RALYL: variants seen among roughly 807,000 people sequenced by gnomAD.
RALYL encodes RALY RNA binding protein like.
Under a neutral mutation model 35.1 loss-of-function variants are expected in RALYL, and 29 were observed. That is an observed-to-expected ratio of 0.83 (90% CI 0.61 to 1.13). The LOEUF (loss-of-function observed/expected upper bound fraction) is 1.13. Ranked by LOEUF, RALYL falls within the 50% of genes most tolerant of loss-of-function variation. The pLI, the probability that RALYL is intolerant of heterozygous loss-of-function variation, is 0.00. For synonymous variants in RALYL, 120 were observed against 127.6 expected, an observed-to-expected ratio of 0.94 and a Z score of 0.40; for missense variants, 359 against 360.4, an observed-to-expected ratio of 1.00 and a Z score of 0.03.
intron 1 of RALYL, among the ~76,000 whole-genome samples, chr8:84,489,272 T>A (rs149359188): frequency 2.5e-3 from 387 of 152,214 alleles, no homozygotes; most frequent in Non-Finnish European, 4.7e-3. Context: ...TCTATTCCTT[T>A]TAGCATGGCT....
rs76885544 is a variant in RALYL at position 84,372,886 on chromosome 8, G to GTTTTTTTTTTTTTTTTTTTTT, written c.-23-156404_-23-156384dup. Among the ~76,000 whole-genome samples the GTTTTTTTTTTTTTTTTTTTTT allele has an allele frequency of 1.0e-3, 40 of 39,074 alleles. 10 individuals are homozygous for GTTTTTTTTTTTTTTTTTTTTT. The highest frequency in any genetic ancestry group is 1.9e-3 in the African/African-American group (17 of 9,124). 25.6% of individuals were successfully genotyped at this position (39,074 alleles called of 152,430 possible). On this transcript the variant is annotated intron_variant, in intron 1 of 8. Coordinates refer to ENST00000521268, the MANE Select transcript of RALYL (RefSeq NM_173848.7). ...TTTCTCCACAACCATGCCAGCATCT[G>GTTTTTTTTTTTTTTTTTTTTT]TTTTTTTTTTTTTTTTTTTTTTTTT... is the stretch of plus-strand genomic sequence containing the variant.
In RALYL at chr8:84,766,679, G is replaced by A. The variant is rs867047618; in HGVS notation, c.257-7900G>A. On this transcript the variant is annotated intron_variant, in intron 2 of 8. Transcript: ENST00000521268. ...GCAGAGGTTGCAGTGAGCTGAGATC[G>A]CGCCACTGCACTCCAGCCTGGCGAC... Among the ~76,000 whole-genome samples, 11 of 134,490 alleles carry A rather than the reference G, an allele frequency of 8.2e-5. No individual in the cohort carries two copies. The South Asian group carries it at 1.7e-3, about 21-fold the overall frequency. The allele number at this position is 134,490 out of a possible 152,430, so 88.2% of individuals were successfully genotyped here. A position where few individuals can be genotyped will look rare whatever the true frequency, so the allele number is the denominator to read the frequency against.
rs1585946783 is a variant in RALYL at position 84,286,491 on chromosome 8, G to T, written c.-24+102067G>T. Among the ~76,000 whole-genome samples, 3 of 152,316 alleles carry T rather than the reference G, an allele frequency of 2.0e-5. 1 individual carries two copies. The South Asian group carries it at 6.2e-4, about 32-fold the overall frequency. ...CAGCAAAGCTAAACATTCACATGAG[G>T]ATTGCAGCAAGAGAAAGTGTGACAT... On this transcript the variant is annotated intron_variant, in intron 1 of 8. Coordinates refer to ENST00000521268, the MANE Select transcript of RALYL (RefSeq NM_173848.7).
chr8:84,866,299 G>A lies in RALYL; in HGVS notation c.571+3846G>A, dbSNP rs922272900. Among the ~76,000 whole-genome samples the A allele has an allele frequency of 6.6e-5, 10 of 152,092 alleles. No individual in the cohort carries two copies. The East Asian group carries it at 9.6e-4, about 15-fold the overall frequency. Reference sequence around the variant, plus strand: ...GTCTGTTCCATAGTATACTACCATCGTGGCCTTGGGGAAATCCTTTAACCC... The same window carrying A: ...GTCTGTTCCATAGTATACTACCATCATGGCCTTGGGGAAATCCTTTAACCC... On this transcript the variant is annotated intron_variant, in intron 6 of 8. Transcript: ENST00000521268.
chr8:84,426,657 C>T (rs1204514057), intron 1 of RALYL, among the ~76,000 whole-genome samples: 2 of 152,060 alleles, frequency 1.3e-5, no homozygotes, highest in African/African-American at 2.4e-5. Flanking sequence ...GGGCAAAAGA[C>T]CTGACTAGAC....
chr8:84,900,584 C>A (rs566573789), intron 8 of RALYL, among the ~76,000 whole-genome samples: 1 of 151,746 alleles, frequency 6.6e-6, no homozygotes, highest in East Asian at 1.9e-4. Context: ...GAGGTTGAGG[C>A]AGGAGAATGG....
At chr8:84,683,790 G>T (rs1245102987) in intron 2 of RALYL, among the ~76,000 whole-genome samples, 2 of 152,112 alleles carry the variant, frequency 1.3e-5, no homozygotes, top group Admixed American at 6.6e-5. Flanking sequence ...GATTTCAAGC[G>T]ATTCTCCTGC....
chr8:84,857,003 C>T (rs1048861459), intron 5 of RALYL, among the ~76,000 whole-genome samples: 4 of 131,774 alleles, frequency 3.0e-5, no homozygotes, highest in African/African-American at 1.1e-4. Context: ...AGTCCGCAGT[C>T]CGGCCTGGGC....
At chr8:84,463,486 A>G (rs2051073472) in intron 1 of RALYL, among the ~76,000 whole-genome samples, 1 of 152,082 alleles carries the variant, frequency 6.6e-6, no homozygotes. Flanking sequence ...AATTTTAATT[A>G]ATTTTAATTT....
chr8:84,805,993 A>G (rs1440557529), intron 4 of RALYL, among the ~76,000 whole-genome samples: 5 of 152,164 alleles, frequency 3.3e-5, no homozygotes, highest in African/African-American at 7.2e-5. Context: ...GACCAGAAAC[A>G]TGGAATGGGG....
intron 1 of RALYL, among the ~76,000 whole-genome samples, chr8:84,375,135 T>TG: frequency 6.6e-6 from 1 of 152,036 alleles, no homozygotes; most frequent in African/African-American, 2.4e-5. Flanking sequence ...GCAGAGTAAA[T>TG]GGGGCAGCCA....
chr8:84,340,461 T>C (rs1848602933), intron 1 of RALYL, among the ~76,000 whole-genome samples: 1 of 152,090 alleles, frequency 6.6e-6, no homozygotes, highest in Non-Finnish European at 1.5e-5. Context: ...TAACCCTTGG[T>C]AACCACTATT....
intron 1 of RALYL, among the ~76,000 whole-genome samples, chr8:84,362,095 T>C (rs568565093): frequency 2.0e-5 from 3 of 152,158 alleles, no homozygotes; most frequent in Admixed American, 1.3e-4. Context: ...GACTTTTCAG[T>C]GGGTAGTGGA....
At chr8:84,373,049 G>T (rs4577957) in intron 1 of RALYL, among the ~76,000 whole-genome samples, 1 of 150,774 alleles carries the variant, frequency 6.6e-6, no homozygotes, top group Non-Finnish European at 1.5e-5. Flanking sequence ...CTTCTTTTCA[G>T]AAGTATCTGT....
chr8:84,511,700 C>T (rs1564061987), intron 1 of RALYL, among the ~76,000 whole-genome samples: 1 of 152,278 alleles, frequency 6.6e-6, no homozygotes, highest in African/African-American at 2.4e-5. Context: ...CATCTCACCT[C>T]TCCCCATACC....
At chr8:84,330,581 T>C (rs1282265272) in intron 1 of RALYL, among the ~76,000 whole-genome samples, 1 of 152,062 alleles carries the variant, frequency 6.6e-6, no homozygotes, top group African/African-American at 2.4e-5. Flanking sequence ...CGTAGTTTCC[T>C]TTTCAAGTAC....
chr8:84,799,904 C>T (rs1357280553), intron 3 of RALYL, among the ~76,000 whole-genome samples: 3 of 152,210 alleles, frequency 2.0e-5, no homozygotes, highest in East Asian at 1.9e-4. Context: ...TGCAGTGAGC[C>T]GAGATCACGC....
chr8:84,571,461 G>A (rs1807969469), intron 2 of RALYL, among the ~76,000 whole-genome samples: 1 of 151,636 alleles, frequency 6.6e-6, no homozygotes, highest in Middle Eastern at 3.4e-3. Context: ...AGTTGTTAAT[G>A]TCACCTTTAT....
intron 2 of RALYL, among the ~76,000 whole-genome samples, chr8:84,712,127 T>C (rs1186308693): frequency 6.6e-6 from 1 of 152,186 alleles, no homozygotes; most frequent in Non-Finnish European, 1.5e-5. Flanking sequence ...TGGTATGATA[T>C]ATGCAATGTC....
Sources: gnomAD v4.1 joint callset for allele counts (sites outside exome capture counted in the v4.1 genomes callset) on GRCh38, gnomAD v4.1.1 for gene constraint, MANE v1.5 for transcripts, NCBI Gene and HGNC (gene_info 2026-07-23, HGNC 2026-07-21) for gene names.